PDZRN4: variants seen among roughly 807,000 people sequenced by gnomAD.
The protein encoded by PDZRN4 is PDZ domain-containing RING finger protein 4.
PDZRN4 carries 70 observed loss-of-function variants against 99.0 expected under a neutral mutation model. The observed-to-expected ratio is 0.71, with a 90% CI of 0.58 to 0.86. PDZRN4 has a LOEUF of 0.86. Ranked by LOEUF, PDZRN4 falls within the 40% of genes least tolerant of loss-of-function variation. The pLI is 0.00. For missense variants in PDZRN4, 1,474 were observed against 1,331.2 expected, an observed-to-expected ratio of 1.11 and a Z score of -1.67; for synonymous variants, 551 against 501.6, an observed-to-expected ratio of 1.10 and a Z score of -1.32.
At chr12:41,437,984 C>T (rs770474522) in intron 3 of PDZRN4, 11 of 1,614,096 alleles carry the variant, frequency 6.8e-6, no homozygotes, top group Non-Finnish European at 7.6e-6. Flanking sequence ...AAGAGAGGAA[C>T]ACTACAAACT....
chr12:41,524,304 A>T (rs529465589), intron 5 of PDZRN4, among the ~76,000 whole-genome samples: 9 of 152,204 alleles, frequency 5.9e-5, no homozygotes, highest in Non-Finnish European at 1.2e-4. Context: ...TACAGATTCA[A>T]TGCAATTCCT....
At chr12:41,273,506 A>C (rs1951329725) in intron 3 of PDZRN4, among the ~76,000 whole-genome samples, 1 of 152,106 alleles carries the variant, frequency 6.6e-6, no homozygotes, top group Admixed American at 6.6e-5. Flanking sequence ...AGTAGCCTTA[A>C]CTGTAACTTA....
At chr12:41,316,456 A>ATG (rs71081722) in intron 3 of PDZRN4, among the ~76,000 whole-genome samples, 9,661 of 144,420 alleles carry the variant, frequency 0.067, 322 homozygotes, top group South Asian at 0.11. Flanking sequence ...AAAAAGGCAA[A>ATG]TGTGTGTGTG....
intron 3 of PDZRN4, among the ~76,000 whole-genome samples, chr12:41,202,642 T>C (rs1296936432): frequency 2.0e-5 from 3 of 152,090 alleles, no homozygotes; most frequent in African/African-American, 7.2e-5. Context: ...ACTTATTTTA[T>C]AATCAGCAAC....
At chr12:41,381,787 G>T (rs1952128695) in intron 3 of PDZRN4, among the ~76,000 whole-genome samples, 2 of 152,064 alleles carry the variant, frequency 1.3e-5, no homozygotes, top group Admixed American at 6.6e-5. Flanking sequence ...GTGGTATATT[G>T]TTTCCTTGAT....
intron 5 of PDZRN4, among the ~76,000 whole-genome samples, chr12:41,534,445 C>G (rs1037248079): frequency 6.6e-6 from 1 of 152,222 alleles, no homozygotes; most frequent in African/African-American, 2.4e-5. Context: ...CCCCTTCCCC[C>G]TTCCCCTCAC....
intron 3 of PDZRN4, among the ~76,000 whole-genome samples, chr12:41,415,458 G>A (rs1052566145): frequency 3.3e-5 from 5 of 151,340 alleles, no homozygotes; most frequent in Non-Finnish European, 5.9e-5. Context: ...CTAGAGTATA[G>A]CAGTATATAC....
chr12:41,231,543 GT>G (rs1302080112), intron 3 of PDZRN4, among the ~76,000 whole-genome samples: 1 of 151,950 alleles, frequency 6.6e-6, no homozygotes. Flanking sequence ...CAGAGTGATG[GT>G]TTTTCCTAAT....
intron 3 of PDZRN4, among the ~76,000 whole-genome samples, chr12:41,224,845 G>A (rs916525273): frequency 6.6e-6 from 1 of 152,104 alleles, no homozygotes; most frequent in Non-Finnish European, 1.5e-5. Context: ...AAGATCAGTA[G>A]CTTCATCAGA....
intron 6 of PDZRN4, among the ~76,000 whole-genome samples, chr12:41,555,033 C>T (rs1192205360): frequency 1.5e-5 from 2 of 137,162 alleles, no homozygotes; most frequent in Non-Finnish European, 3.1e-5. Flanking sequence ...ACGGTGAAAC[C>T]CCATCTCTAC....
At chr12:41,425,707 A>T (rs546219181) in intron 3 of PDZRN4, among the ~76,000 whole-genome samples, 51 of 152,294 alleles carry the variant, frequency 3.3e-4, no homozygotes, top group African/African-American at 1.2e-3. Context: ...ACTAGAAAGC[A>T]TTTCATCAGG....
At chr12:41,455,368 T>C (rs1952809648) in intron 3 of PDZRN4, among the ~76,000 whole-genome samples, 2 of 152,292 alleles carry the variant, frequency 1.3e-5, no homozygotes, top group Middle Eastern at 3.4e-3. Context: ...GATAGTCTTA[T>C]CATTTTACAT....
rs370374005 is a variant in PDZRN4, at chr12:41,214,513, C to T, written c.843+20325C>T. On this transcript the variant is annotated intron_variant, in intron 3 of 9. Coordinates refer to ENST00000402685, the MANE Select transcript of PDZRN4 (RefSeq NM_001164595.2). ...TAAATAACAAATGATCCTCTAGATCCGAACCTGAGTAGAATTCTGGCTAGA... is the reference window on the plus strand; with the variant it reads ...TAAATAACAAATGATCCTCTAGATCTGAACCTGAGTAGAATTCTGGCTAGA... 3.0e-4 allele frequency among the ~76,000 whole-genome samples: 43 copies of T among 143,784 alleles called. 1 individual carries two copies. The highest frequency in any genetic ancestry group is 2.5e-3 in the East Asian group (12 of 4,762). The allele number at this position is 143,784 out of a possible 152,430, so 94.3% of individuals were successfully genotyped here.
intron 3 of PDZRN4, among the ~76,000 whole-genome samples, chr12:41,242,790 A>T (rs563641041): frequency 6.6e-6 from 1 of 152,286 alleles, no homozygotes; most frequent in East Asian, 1.9e-4. Flanking sequence ...GTTGGAGAGG[A>T]TGGAGAGCAG....
At chr12:41,221,779 AG>A in intron 3 of PDZRN4, among the ~76,000 whole-genome samples, 1 of 152,062 alleles carries the variant, frequency 6.6e-6, no homozygotes, top group Non-Finnish European at 1.5e-5. Flanking sequence ...TCCTCAAGAA[AG>A]TTAAGTGGTG....
At chr12:41,500,760 T>G (rs1461508254) in intron 3 of PDZRN4, among the ~76,000 whole-genome samples, 1 of 152,184 alleles carries the variant, frequency 6.6e-6, no homozygotes, top group Non-Finnish European at 1.5e-5. Flanking sequence ...AGCAGTGAGC[T>G]GAAATTTCTT....
intron 3 of PDZRN4, among the ~76,000 whole-genome samples, chr12:41,263,458 G>A (rs4768338): frequency 0.4 from 60,542 of 151,978 alleles, 13,578 homozygotes; most frequent in South Asian, 0.55. Flanking sequence ...TGGCCAAGGC[G>A]GGAGGATCAC....
chr12:41,339,053 C>T (rs1184411105), intron 3 of PDZRN4, among the ~76,000 whole-genome samples: 2 of 149,380 alleles, frequency 1.3e-5, no homozygotes, highest in Non-Finnish European at 3.0e-5. Flanking sequence ...ATGTTCTTCA[C>T]AGAAATAGAA....
chr12:41,277,804 G>A (rs892625039), intron 3 of PDZRN4, among the ~76,000 whole-genome samples: 11 of 152,182 alleles, frequency 7.2e-5, no homozygotes, highest in Non-Finnish European at 1.6e-4. Flanking sequence ...TTTCTCTTTG[G>A]TAGATTAGCA....
Sources: gnomAD v4.1 joint callset for allele counts (sites outside exome capture counted in the v4.1 genomes callset) on GRCh38, gnomAD v4.1.1 for gene constraint, MANE v1.5 for transcripts, NCBI Gene and HGNC (gene_info 2026-07-23, HGNC 2026-07-21) for gene names.